SAMMSON: variants seen among roughly 807,000 people sequenced by gnomAD.
SAMMSON encodes long intergenic non-protein coding RNA 1212.
chr3:70,172,973 G>A (rs935448498), intron 4 of SAMMSON: 1 of 151,680 alleles, frequency 6.6e-6, no homozygotes, highest in Non-Finnish European at 1.5e-5. Context: ...TTATATTGTC[G>A]AAGAATTTTC....
chr3:70,345,588 C>T (rs1035321376), intron 7 of SAMMSON, among the ~76,000 whole-genome samples: 1 of 152,150 alleles, frequency 6.6e-6, no homozygotes, highest in African/African-American at 2.4e-5. Flanking sequence ...TTCACCAGTA[C>T]AGTATCATAA....
At chr3:70,045,044 T>TTATA (rs1488605018) in intron 3 of SAMMSON, among the ~76,000 whole-genome samples, 1,482 of 123,116 alleles carry the variant, frequency 0.012, 63 homozygotes, top group African/African-American at 0.045. Flanking sequence ...TTATAATTAA[T>TTATA]ATATATAATT....
chr3:70,375,279 C>T (rs1020528736), intron 9 of SAMMSON, among the ~76,000 whole-genome samples: 2 of 151,920 alleles, frequency 1.3e-5, no homozygotes, highest in African/African-American at 4.8e-5. Context: ...CCCGTGTGGT[C>T]TTAGAGGTGA....
At chr3:70,164,429 C>A (rs570556625) in intron 4 of SAMMSON, among the ~76,000 whole-genome samples, 3 of 152,164 alleles carry the variant, frequency 2.0e-5, no homozygotes, top group South Asian at 4.1e-4. Flanking sequence ...GATCTGTTTT[C>A]TCTCTTTCTG....
chr3:70,294,626 C>G (rs1702272336), intron 7 of SAMMSON, among the ~76,000 whole-genome samples: 1 of 152,112 alleles, frequency 6.6e-6, no homozygotes, highest in African/African-American at 2.4e-5. Flanking sequence ...CTGCAAATAA[C>G]AGAAAACGTC....
intron 1 of SAMMSON, among the ~76,000 whole-genome samples, chr3:70,001,456 T>C (rs971151666): frequency 5.9e-5 from 9 of 151,622 alleles, no homozygotes; most frequent in Admixed American, 2.0e-4. Flanking sequence ...TTCTAGTGTT[T>C]TTTTTTTTTT....
At chr3:70,237,977 A>ATTTTTTTTTTT (rs1251005797) in intron 4 of SAMMSON, among the ~76,000 whole-genome samples, 84 of 12,928 alleles carry the variant, frequency 6.5e-3, no homozygotes, top group Non-Finnish European at 9.2e-3. Flanking sequence ...ATTGAGTGGT[A>ATTTTTTTTTTT]TCTTTTTTTT....
chr3:70,392,686 G>A (rs1178380165), downstream of SAMMSON, among the ~76,000 whole-genome samples: 1 of 152,010 alleles, frequency 6.6e-6, no homozygotes, highest in Non-Finnish European at 1.5e-5. Context: ...TTGCGACCCC[G>A]ACTAAAAGAC....
chr3:70,207,263 A>G (rs572642446), intron 4 of SAMMSON, among the ~76,000 whole-genome samples: 106 of 152,190 alleles, frequency 7.0e-4, no homozygotes, highest in Non-Finnish European at 5.9e-5. Context: ...CTGTAAAAAG[A>G]AAAATGCATA....
chr3:70,396,612 G>A (rs1701095758), intron 2 of SAMMSON, among the ~76,000 whole-genome samples: 1 of 152,154 alleles, frequency 6.6e-6, no homozygotes, highest in South Asian at 2.1e-4. Context: ...CCAAATTAAG[G>A]TTTCATGTGG....
At chr3:70,303,287 T>A (rs1292363696) in intron 7 of SAMMSON, among the ~76,000 whole-genome samples, 3 of 152,174 alleles carry the variant, frequency 2.0e-5, no homozygotes, top group Non-Finnish European at 4.4e-5. Context: ...TCATTGTGTG[T>A]AGCATTATGG....
chr3:70,210,372 G>T (rs1701331441), intron 4 of SAMMSON, among the ~76,000 whole-genome samples: 1 of 152,102 alleles, frequency 6.6e-6, no homozygotes, highest in Non-Finnish European at 1.5e-5. Context: ...ACTATCTGTT[G>T]CTCATTAGAA....
chr3:70,316,925 C>T (rs1399521010), intron 7 of SAMMSON, among the ~76,000 whole-genome samples: 1 of 152,086 alleles, frequency 6.6e-6, no homozygotes, highest in African/African-American at 2.4e-5. Flanking sequence ...CTTTTTCTAA[C>T]TGAGACCTTG....
chr3:70,336,797 T>G (rs560680105), intron 7 of SAMMSON, among the ~76,000 whole-genome samples: 4 of 146,572 alleles, frequency 2.7e-5, no homozygotes, highest in Non-Finnish European at 6.0e-5. Context: ...TTAGAAGAGT[T>G]AAACATAATA....
intron 2 of SAMMSON, among the ~76,000 whole-genome samples, chr3:70,398,737 T>A (rs1364011004): frequency 6.6e-6 from 1 of 151,892 alleles, no homozygotes; most frequent in Non-Finnish European, 1.5e-5. Context: ...AGATAGGGAG[T>A]GTGTGGTAGA....
At chr3:70,019,297 T>C (rs1186728487) in intron 3 of SAMMSON, among the ~76,000 whole-genome samples, 1 of 152,216 alleles carries the variant, frequency 6.6e-6, no homozygotes, top group Non-Finnish European at 1.5e-5. Context: ...TTAGGATAGT[T>C]AGCTCTTCAT....
chr3:70,074,328 A>C (rs1211064176), intron 4 of SAMMSON, among the ~76,000 whole-genome samples: 1 of 152,064 alleles, frequency 6.6e-6, no homozygotes, highest in Non-Finnish European at 1.5e-5. Flanking sequence ...CTTGAGCCAA[A>C]TTTCAATGAG....
chr3:70,326,997 G>A (rs1702584830), intron 7 of SAMMSON, among the ~76,000 whole-genome samples: 1 of 152,086 alleles, frequency 6.6e-6, no homozygotes, highest in African/African-American at 2.4e-5. Flanking sequence ...TAGCTAGGCT[G>A]ACAGGCATGT....
intron 3 of SAMMSON, among the ~76,000 whole-genome samples, chr3:70,028,164 TTCCTTCCTTCCTTCCTTC>T (rs2067049721): frequency 6.8e-6 from 1 of 147,082 alleles, no homozygotes; most frequent in Non-Finnish European, 1.5e-5. Context: ...CCTTCCTTCC[TTCCTTCCTTCCTTCCTTC>T]CTTCCTTTCT....
Sources: gnomAD v4.1 joint callset for allele counts (sites outside exome capture counted in the v4.1 genomes callset) on GRCh38, gnomAD v4.1.1 for gene constraint, MANE v1.5 for transcripts, NCBI Gene and HGNC (gene_info 2026-07-23, HGNC 2026-07-21) for gene names.